Variants in MGST1 observed in about 807,000 individuals in gnomAD.
MGST1 encodes microsomal glutathione S-transferase 1.
In MGST1, 5 loss-of-function variants were observed where a neutral mutation model predicts 8.9. The ratio of observed to expected loss-of-function variants is 0.56; its 90% CI spans 0.29 to 1.19. The LOEUF (loss-of-function observed/expected upper bound fraction) is 1.19. Among genes scored for constraint, MGST1 ranks in the 50% most tolerant of loss-of-function variants. The probability of loss-of-function intolerance (pLI) is 0.08; values close to 1 mark genes in which losing one functional copy is unlikely to be tolerated. For synonymous variants in MGST1, 54 were observed against 67.8 expected (o/e 0.80, Z 1.00); for missense variants, 182 against 187.4 (o/e 0.97, Z 0.17).
chr12:16,368,189 T>A (rs142192880), downstream of MGST1, among the ~76,000 whole-genome samples: 3 of 152,294 alleles, frequency 2.0e-5, no homozygotes, highest in African/African-American at 4.8e-5. Context: ...TGCTAGGCAG[T>A]GAGGAGAAGG....
chr12:16,449,955 C>T (rs1316398072), intron 4 of MGST1, among the ~76,000 whole-genome samples: 1 of 151,836 alleles, frequency 6.6e-6, no homozygotes, highest in Non-Finnish European at 1.5e-5. Context: ...AAACTGCCAT[C>T]CTAGGATCCC....
intron 1 of MGST1, chr12:16,400,951 C>T: frequency 1.5e-6 from 2 of 1,350,340 alleles, no homozygotes; most frequent in Non-Finnish European, 2.1e-6. Flanking sequence ...CAGTCAGTCA[C>T]CTCTTTGCTT....
At chr12:16,591,009 C>T (rs1179887996), downstream of MGST1, among the ~76,000 whole-genome samples, 1 of 151,848 alleles carries the variant, frequency 6.6e-6, no homozygotes, top group Non-Finnish European at 1.5e-5. This position sits in a 1 kb window ranked among gnomAD's most constrained non-coding sequence, Gnocchi z 4.1. Flanking sequence ...TTCTATAATC[C>T]CAAATGAAAT....
downstream of MGST1, among the ~76,000 whole-genome samples, chr12:16,381,530 C>T (rs1457445659): frequency 1.3e-5 from 2 of 152,120 alleles, no homozygotes; most frequent in Non-Finnish European, 2.9e-5. Context: ...GATGGGCTTC[C>T]CTTTGTGGGT....
chr12:16,404,149 G>T (rs1381407197), intron 1 of MGST1, among the ~76,000 whole-genome samples: 1 of 152,090 alleles, frequency 6.6e-6, no homozygotes, highest in African/African-American at 2.4e-5. Context: ...ATACATACAA[G>T]TATATCTATT....
intron 4 of MGST1, chr12:16,550,908 C>G: frequency 4.5e-6 from 1 of 221,818 alleles, no homozygotes; most frequent in Non-Finnish European, 9.0e-6. Flanking sequence ...TACATTTGTG[C>G]TTCAAATATT....
At chr12:16,364,794 G>C (rs1940154579), downstream of MGST1, among the ~76,000 whole-genome samples, 1 of 151,876 alleles carries the variant, frequency 6.6e-6, no homozygotes, top group Non-Finnish European at 1.5e-5. This position sits in a 1 kb window ranked among gnomAD's most constrained non-coding sequence, Gnocchi z 5.7. Context: ...TTTTGATCCA[G>C]GATTCAAAGA....
intron 4 of MGST1, among the ~76,000 whole-genome samples, chr12:16,518,699 T>C (rs1184930539): frequency 6.6e-6 from 1 of 152,156 alleles, no homozygotes; most frequent in Non-Finnish European, 1.5e-5. Flanking sequence ...CTTCCCATAC[T>C]AGAGAACAAT....
chr12:16,441,427 T>G (rs1241924875), downstream of MGST1, among the ~76,000 whole-genome samples: 2 of 151,904 alleles, frequency 1.3e-5, no homozygotes, highest in Non-Finnish European at 2.9e-5. Context: ...ATGATATCTA[T>G]CCACTATTAT....
downstream of MGST1, among the ~76,000 whole-genome samples, chr12:16,366,114 G>C (rs1940183493): frequency 6.6e-6 from 1 of 152,072 alleles, no homozygotes; most frequent in Admixed American, 6.6e-5. The surrounding 1 kb of genome is among the most constrained non-coding windows in gnomAD (Gnocchi z 4.0). Context: ...ACTAATATTT[G>C]ATATTCATTA....
intron 4 of MGST1, among the ~76,000 whole-genome samples, chr12:16,488,145 T>C (rs1435144480): frequency 6.6e-6 from 1 of 152,230 alleles, no homozygotes; most frequent in African/African-American, 2.4e-5. Context: ...TCTAGGAGAA[T>C]GTGAAGTTGA....
chr12:16,508,976 T>G (rs1455184760), intron 4 of MGST1, among the ~76,000 whole-genome samples: 1 of 152,216 alleles, frequency 6.6e-6, no homozygotes, highest in African/African-American at 2.4e-5. Flanking sequence ...GTTTGAAGAT[T>G]CTTGATGCTG....
intron 4 of MGST1, among the ~76,000 whole-genome samples, chr12:16,452,631 C>A (rs1941138963): frequency 6.6e-6 from 1 of 151,850 alleles, no homozygotes. Context: ...TCCCATCAAT[C>A]CTCACAACAA....
In MGST1 at chr12:16,585,149, C is replaced by G. The variant is rs898591236; in HGVS notation, n.483-4379C>G. On this transcript the variant is annotated intron_variant and non_coding_transcript_variant, in intron 4 of 4. Transcript: ENST00000538857. The surrounding 1 kb of genome is among the most constrained non-coding windows in gnomAD (Gnocchi z 4.7). The stretch of plus-strand genomic sequence containing the variant: ...GGCTTCCCCCTTTGGGTGGCGCATG[C>G]AAGCCCCAGTTCACAACGTTATTTT... 5.3e-5 allele frequency among the ~76,000 whole-genome samples: 8 copies of G among 152,282 alleles called. No homozygotes were observed. Among genetic ancestry groups the G allele is most frequent in the Middle Eastern group, 3.4e-3 (1 of 294 alleles).
intron 4 of MGST1, among the ~76,000 whole-genome samples, chr12:16,569,695 G>C (rs1942743347): frequency 6.6e-6 from 1 of 152,014 alleles, no homozygotes; most frequent in Non-Finnish European, 1.5e-5. Context: ...AGAATCTTTT[G>C]TTGCTAGAAT....
chr12:16,433,471 T>A (rs1306199185), intron 1 of MGST1, among the ~76,000 whole-genome samples: 1 of 152,034 alleles, frequency 6.6e-6, no homozygotes, highest in African/African-American at 2.4e-5. Flanking sequence ...TGTTTCAGTT[T>A]AGGGCTGAAG....
At chr12:16,365,978 G>A (rs963147367), downstream of MGST1, among the ~76,000 whole-genome samples, 1 of 152,138 alleles carries the variant, frequency 6.6e-6, no homozygotes, top group East Asian at 1.9e-4. Context: ...CTGGTTTTGG[G>A]TCAGGTCTTT....
Position 16,560,553 on chromosome 12 carries a change from A to ATTTTT in MGST1, n.483-28966_483-28962dup. ...CACCAAAGAGCCTAGAATAAGAAACATTTTTTTTTTTTTACAAACTCTTAC... is the reference window on the plus strand; with the variant it reads ...CACCAAAGAGCCTAGAATAAGAAACATTTTTTTTTTTTTTTTTTACAAACTCTTAC... On this transcript the variant is annotated intron_variant and non_coding_transcript_variant, in intron 4 of 4. Transcript: ENST00000538857. This position sits in a 1 kb window ranked among gnomAD's most constrained non-coding sequence, Gnocchi z 5.0. 7.1e-7 allele frequency: 1 copy of ATTTTT among 1,414,552 alleles called. No individual in the cohort carries two copies. Among genetic ancestry groups the ATTTTT allele is most frequent in the East Asian group, 2.5e-5 (1 of 39,382 alleles). 87.6% of individuals were successfully genotyped at this position (1,414,552 alleles called of 1,614,324 possible).
intron 1 of MGST1, among the ~76,000 whole-genome samples, chr12:16,388,094 G>A (rs752138809): frequency 6.6e-6 from 1 of 151,448 alleles, no homozygotes; most frequent in Non-Finnish European, 1.5e-5. Context: ...ATACATGACT[G>A]TATATAGACA....
Sources: allele counts gnomAD v4.1 joint callset (sites outside exome capture counted in the v4.1 genomes callset), GRCh38; gene constraint gnomAD v4.1.1; non-coding constraint Gnocchi (gnomAD v3.1); transcripts MANE v1.5; gene names NCBI Gene and HGNC (gene_info 2026-07-23, HGNC 2026-07-21).